CDH4: variants seen among roughly 807,000 people sequenced by gnomAD.
CDH4 encodes cadherin 4.
CDH4 carries 33 observed loss-of-function variants against 86.0 expected under a neutral mutation model. The observed-to-expected ratio is 0.38, with a 90% confidence interval of 0.29 to 0.51. The LOEUF is 0.51. Among genes scored for constraint, CDH4 ranks in the 20% least tolerant of loss-of-function variants. The pLI is 0.86. For missense variants in CDH4, 1,114 were observed against 1,307.4 expected (o/e 0.85, Z 2.28); for synonymous variants, 555 against 549.4 (o/e 1.01, Z -0.14).
chr20:61,854,956 C>T (rs368805216), intron 6 of CDH4, among the ~76,000 whole-genome samples: 105 of 107,074 alleles, frequency 9.8e-4, no homozygotes, highest in Middle Eastern at 5.7e-3. Context: ...GGGTGAATTG[C>T]GCCTTTGGCC....
intron 4 of CDH4, among the ~76,000 whole-genome samples, chr20:61,801,834 G>A (rs1216302807): frequency 2.6e-5 from 4 of 152,200 alleles, no homozygotes; most frequent in African/African-American, 7.2e-5. Flanking sequence ...CCTTCACATG[G>A]CCTTGAGGGG....
intron 4 of CDH4, among the ~76,000 whole-genome samples, chr20:61,773,632 C>T (rs2030324972): frequency 6.6e-6 from 1 of 152,220 alleles, no homozygotes; most frequent in African/African-American, 2.4e-5. Flanking sequence ...CTCCCAAGGC[C>T]ACCCGAGATT....
At chr20:61,262,172 A>G (rs2866005) in intron 2 of CDH4, among the ~76,000 whole-genome samples, 81,848 of 151,954 alleles carry the variant, frequency 0.54, 23,111 homozygotes, top group Admixed American at 0.62. Flanking sequence ...ATTGAGAGAA[A>G]GTGCCACGAC....
At position 61,517,799 on chromosome 20, in the gene CDH4, G is replaced by A. The variant is rs193194018; in HGVS notation, c.170-225764G>A. ...TTTTATGGTTTTCATCCTGAAATAC[G>A]TGGTCAGTCCAGGGTTCATCGTTTT... On this transcript the variant is annotated intron_variant, in intron 2 of 15. Coordinates refer to ENST00000614565, the MANE Select transcript of CDH4 (RefSeq NM_001794.5). This position sits in a 1 kb window ranked among gnomAD's most constrained non-coding sequence, Gnocchi z 6.6. Among the ~76,000 whole-genome samples the A allele has an allele frequency of 2.2e-4, 34 of 152,328 alleles. No individual in the cohort carries two copies. Among genetic ancestry groups the A allele is most frequent in the Non-Finnish European group, 3.2e-4 (22 of 68,032 alleles).
intron 2 of CDH4, among the ~76,000 whole-genome samples, chr20:61,542,136 A>G (rs2145657108): frequency 6.6e-6 from 1 of 152,314 alleles, no homozygotes; most frequent in Admixed American, 6.5e-5. Flanking sequence ...CACCTGCTCT[A>G]AAAATCAACT....
chr20:61,456,043 AAAGG>A (rs1360502867), intron 2 of CDH4, among the ~76,000 whole-genome samples: 23 of 151,686 alleles, frequency 1.5e-4, no homozygotes, highest in Admixed American at 1.1e-3. Flanking sequence ...AGAAGGGAAG[AAAGG>A]AAGGAAGGAA....
intron 2 of CDH4, among the ~76,000 whole-genome samples, chr20:61,699,698 C>G (rs894167075): frequency 6.6e-6 from 1 of 152,196 alleles, no homozygotes; most frequent in Non-Finnish European, 1.5e-5. Flanking sequence ...GAAAACAGAG[C>G]TGAAGACAAA....
At position 61,393,642 on chromosome 20, in the gene CDH4, G is replaced by A. The variant is rs1321490789; in HGVS notation, c.169+138705G>A. Among the ~76,000 whole-genome samples, 1 of 152,174 alleles carries A rather than the reference G, an allele frequency of 6.6e-6. No homozygotes were observed. The highest frequency in any genetic ancestry group is 1.5e-5 in the Non-Finnish European group (1 of 68,032). On this transcript the variant is annotated intron_variant, in intron 2 of 15. Coordinates refer to ENST00000614565, the MANE Select transcript of CDH4 (RefSeq NM_001794.5). The surrounding 1 kb of genome is among the most constrained non-coding windows in gnomAD (Gnocchi z 4.3). ...GAGTAACAGAGACCCAAAGCATAGT[G>A]GTTGCAGCGAGGATCATCGAAGTAG...
chr20:61,743,161 C>A (rs2088364881), intron 2 of CDH4, among the ~76,000 whole-genome samples: 2 of 152,216 alleles, frequency 1.3e-5, no homozygotes, highest in Non-Finnish European at 1.5e-5. Context: ...GCTTCACAGT[C>A]TCTGCTGGCA....
chr20:61,254,680 G>A, intron 1 of CDH4, 146 bp from the exon 2 acceptor site: 1 of 654,904 alleles, frequency 1.5e-6, no homozygotes, highest in Admixed American at 2.3e-5. Context: ...AGGAGCAGAC[G>A]GGGTATCGCG....
rs6142874 is a variant in CDH4, at chr20:61,835,615, A to T, written c.577-9053A>T. ...GCCTCCTGGCCTCAAGGCTCAGTTCATACACCAGGGCTTCCCGTGGGGTGA... is the reference window on the plus strand; with the variant it reads ...GCCTCCTGGCCTCAAGGCTCAGTTCTTACACCAGGGCTTCCCGTGGGGTGA... On this transcript the variant is annotated intron_variant, in intron 4 of 15. Transcript: ENST00000614565. 0.014 allele frequency among the ~76,000 whole-genome samples: 2,158 copies of T among 152,304 alleles called. 136 individuals carry two copies. In the East Asian group the frequency reaches 0.2, roughly 14 times the overall value.
rs565160319 is a variant in CDH4, at chr20:61,337,542, C to T, written c.169+82605C>T. Among the ~76,000 whole-genome samples the T allele has an allele frequency of 3.5e-3, 533 of 151,794 alleles. 6 individuals carry two copies. Among genetic ancestry groups the T allele is most frequent in the African/African-American group, 0.012 (489 of 41,372 alleles). On this transcript the variant is annotated intron_variant, in intron 2 of 15. Transcript: ENST00000614565. ...AAGGGAAGATGAGGGAAAGCATGGT[C>T]GTGGTGGTGGTGATGGTGTATAGAT... is the stretch of plus-strand genomic sequence containing the variant.
intron 2 of CDH4, among the ~76,000 whole-genome samples, chr20:61,661,992 A>C (rs969268284): frequency 2.0e-5 from 3 of 152,148 alleles, no homozygotes; most frequent in African/African-American, 7.2e-5. Context: ...TCCAGGGTAC[A>C]TGTTTTTTAA....
Position 61,623,560 on chromosome 20 carries a change from G to A in CDH4, c.170-120003G>A, listed in dbSNP as rs748529851. Among the ~76,000 whole-genome samples, 13 of 152,102 alleles carry A rather than the reference G, an allele frequency of 8.5e-5. No individual in the cohort carries two copies. The highest frequency in any genetic ancestry group is 2.1e-4 in the South Asian group (1 of 4,822). ...TCAAACCATATCAAGAGAGCCCGCA[G>A]GGTCATCAAGAGCTAGACCCAGCGG... is the stretch of plus-strand genomic sequence containing the variant. On this transcript the variant is annotated intron_variant, in intron 2 of 15. Coordinates refer to ENST00000614565, the MANE Select transcript of CDH4 (RefSeq NM_001794.5). This position sits in a 1 kb window ranked among gnomAD's most constrained non-coding sequence, Gnocchi z 4.4.
chr20:61,297,978 C>A (rs1341650844), intron 2 of CDH4, among the ~76,000 whole-genome samples: 2 of 152,230 alleles, frequency 1.3e-5, no homozygotes, highest in East Asian at 3.9e-4. Context: ...TTTGGGGTTT[C>A]AGGTCAGCTC....
rs1467620042 is a variant in CDH4, at chr20:61,910,517, C to T, written c.1284C>T (p.Ala428=). The T allele has an allele frequency of 3.7e-6, 6 of 1,613,986 alleles. No homozygotes were observed. The highest frequency in any genetic ancestry group is 2.2e-5 in the East Asian group (1 of 44,884). ...RDQPHSPNWN[A]VYRIISGDPS... ...AGCCCCACTCTCCAAACTGGAATGCCGTTTACCGCATCATCAGTGGGGATC... is the reference window on the plus strand; with the variant it reads ...AGCCCCACTCTCCAAACTGGAATGCTGTTTACCGCATCATCAGTGGGGATC... The change falls in exon 9 of 16, where the codon GCC becomes GCT. Residue 428 remains alanine (A), a synonymous_variant. Transcript: ENST00000614565.
chr20:61,710,030 C>T (rs562258093), intron 2 of CDH4, among the ~76,000 whole-genome samples: 1 of 152,258 alleles, frequency 6.6e-6, no homozygotes, highest in Admixed American at 6.5e-5. Flanking sequence ...GGATGTTCTT[C>T]CCCTGTCCGT....
intron 2 of CDH4, among the ~76,000 whole-genome samples, chr20:61,442,028 G>A (rs924394150): frequency 2.0e-5 from 3 of 152,214 alleles, no homozygotes; most frequent in Non-Finnish European, 4.4e-5. Flanking sequence ...CTGAAGGACA[G>A]TGATGAGCAC....
chr20:61,557,563 A>G (rs1314531155), intron 2 of CDH4, among the ~76,000 whole-genome samples: 2 of 152,234 alleles, frequency 1.3e-5, no homozygotes, highest in South Asian at 2.1e-4. Flanking sequence ...TCTTCTTGTG[A>G]TAGCTGTTAT....
Sources: gnomAD v4.1 joint callset for allele counts (sites outside exome capture counted in the v4.1 genomes callset) on GRCh38, gnomAD v4.1.1 for gene constraint, Gnocchi (gnomAD v3.1) non-coding constraint, MANE v1.5 for transcripts, NCBI Gene and HGNC (gene_info 2026-07-23, HGNC 2026-07-21) for gene names.